The following HAVCR1 variants were observed in gnomAD, a reference collection of about 807,000 sequenced individuals.
HAVCR1 encodes the protein hepatitis A virus cellular receptor 1, also known as T cell immunoglobin domain and mucin domain protein 1.
Under a neutral mutation model 32.0 loss-of-function variants are expected in HAVCR1, and 34 were observed. The observed-to-expected ratio is 1.06, with a 90% CI of 0.81 to 1.42. The LOEUF (loss-of-function observed/expected upper bound fraction) is 1.42. Among genes scored for constraint, HAVCR1 ranks in the 40% most tolerant of loss-of-function variants. The pLI is 0.00. For synonymous variants in HAVCR1, 178 were observed against 170.3 expected, an observed-to-expected ratio of 1.05 and a Z score of -0.35; for missense variants, 420 against 442.3, an observed-to-expected ratio of 0.95 and a Z score of 0.45.
At chr5:157,054,804 T>C (rs1440284657) in intron 3 of HAVCR1, among the ~76,000 whole-genome samples, 1 of 152,198 alleles carries the variant, frequency 6.6e-6, no homozygotes, top group African/African-American at 2.4e-5. Context: ...ACCAATTGCA[T>C]AGTATTTACA....
intron 7 of HAVCR1, among the ~76,000 whole-genome samples, chr5:157,036,205 G>A (rs779099754): frequency 2.6e-5 from 4 of 152,024 alleles, no homozygotes; most frequent in East Asian, 1.9e-4. Context: ...TCGGCCGGGC[G>A]TGGTGGCTCA....
chr5:157,057,814 TC>T, intron 2 of HAVCR1, 83 bp downstream of exon 2: 1 of 946,416 alleles, frequency 1.1e-6, no homozygotes. Flanking sequence ...ACCACCACCA[TC>T]CCCTCCCCTT....
chr5:157,031,319 G>C (rs1754156675), intron 8 of HAVCR1, among the ~76,000 whole-genome samples: 1 of 152,186 alleles, frequency 6.6e-6, no homozygotes. Flanking sequence ...AGGAAAGTCT[G>C]TGTACAAGCA....
At chr5:157,063,820 T>C (rs62381166), upstream of HAVCR1, among the ~76,000 whole-genome samples, 9,590 of 152,222 alleles carry the variant, frequency 0.063, 483 homozygotes, top group Admixed American at 0.15. Context: ...AGGTGATTAT[T>C]TGAACTAAGA....
chr5:157,061,634 G>A (rs543766345), upstream of HAVCR1, among the ~76,000 whole-genome samples: 37 of 152,060 alleles, frequency 2.4e-4, no homozygotes, highest in Non-Finnish European at 4.9e-4. Flanking sequence ...CTGAACCCGG[G>A]AGGCAGAATT....
chr5:157,045,355 C>T (rs1755328763), intron 5 of HAVCR1, among the ~76,000 whole-genome samples: 1 of 152,180 alleles, frequency 6.6e-6, no homozygotes, highest in South Asian at 2.1e-4. Flanking sequence ...CACAGCCCAT[C>T]AAGTTGTTAC....
chr5:157,044,023 T>C (rs576097398), intron 5 of HAVCR1, among the ~76,000 whole-genome samples: 76 of 152,234 alleles, frequency 5.0e-4, no homozygotes, highest in African/African-American at 1.8e-3. Flanking sequence ...TTACTGCTTC[T>C]GAGGCTTCCT....
chr5:157,043,098 C>T (rs996018234), intron 5 of HAVCR1, among the ~76,000 whole-genome samples: 1 of 151,948 alleles, frequency 6.6e-6, no homozygotes, highest in Non-Finnish European at 1.5e-5. Context: ...AAAACCAGAA[C>T]CACCCTTTTC....
intron 6 of HAVCR1, among the ~76,000 whole-genome samples, chr5:157,038,350 G>A (rs1021459673): frequency 2.6e-5 from 4 of 152,116 alleles, no homozygotes; most frequent in Admixed American, 2.0e-4. Flanking sequence ...ATCCTAAAGA[G>A]AGCCCACCGG....
chr5:157,030,715 C>T (rs113219358), intron 8 of HAVCR1, among the ~76,000 whole-genome samples: 1 of 152,274 alleles, frequency 6.6e-6, no homozygotes, highest in Non-Finnish European at 1.5e-5. Context: ...TTTTAACTTA[C>T]GTGTAGCATT....
chr5:157,068,047 A>G, the HAVCR1 span, among the ~76,000 whole-genome samples: 1 of 151,650 alleles, frequency 6.6e-6, no homozygotes, highest in Non-Finnish European at 1.5e-5. Context: ...CGAGGTAGAC[A>G]GATCACTTGA....
intron 7 of HAVCR1, among the ~76,000 whole-genome samples, chr5:157,035,900 A>T (rs946154272): frequency 2.6e-5 from 4 of 152,236 alleles, no homozygotes; most frequent in African/African-American, 9.6e-5. Flanking sequence ...TGTTCTAAGT[A>T]ATCTAGGGAA....
At chr5:157,068,006 C>T in the HAVCR1 span, among the ~76,000 whole-genome samples, 1 of 151,766 alleles carries the variant, frequency 6.6e-6, no homozygotes, top group African/African-American at 2.4e-5. Context: ...AACAAAACAG[C>T]CGGATGTATA....
chr5:157,059,869 G>T (rs1756433636), upstream of HAVCR1, among the ~76,000 whole-genome samples: 2 of 151,700 alleles, frequency 1.3e-5, no homozygotes. Context: ...CCTGACCGTA[G>T]TCCCAGCTAC....
At position 157,046,992 on chromosome 5, in the gene HAVCR1, T is replaced by A. The variant is rs114792220; in HGVS notation, c.781+2046A>T. Among the ~76,000 whole-genome samples the A allele has an allele frequency of 2.1e-3, 318 of 152,296 alleles. 1 individual carries two copies. The highest frequency in any genetic ancestry group is 7.0e-3 in the African/African-American group (292 of 41,558). ...ATTTAGGGGTGTGGTGTTATGAGAT[T>A]ATACATACATATATAGATAGATAGA... On this transcript the variant is annotated intron_variant, in intron 5 of 8. Transcript: ENST00000523175.
intron 8 of HAVCR1, 122 bp from the exon 9 acceptor site, chr5:157,029,963 G>T (rs772606297): frequency 5.8e-6 from 4 of 686,100 alleles, no homozygotes; most frequent in South Asian, 5.7e-5. Flanking sequence ...CAGGAGCCCC[G>T]TTCACACAAA....
At chr5:157,057,711 A>T (rs1756298534) in intron 2 of HAVCR1, among the ~76,000 whole-genome samples, 187 bp downstream of exon 2, 1 of 152,222 alleles carries the variant, frequency 6.6e-6, no homozygotes, top group Non-Finnish European at 1.5e-5. Flanking sequence ...ACAGCAGTTA[A>T]GCAATTTCTT....
upstream of HAVCR1, among the ~76,000 whole-genome samples, chr5:157,060,139 G>A (rs1449834206): frequency 6.6e-6 from 1 of 151,918 alleles, no homozygotes; most frequent in Non-Finnish European, 1.5e-5. Flanking sequence ...AATGAAATCA[G>A]GATAAGTGAG....
At chr5:157,042,831 G>T in intron 5 of HAVCR1, 149 bp from the exon 6 acceptor site, 4 of 517,948 alleles carry the variant, frequency 7.7e-6, no homozygotes, top group South Asian at 3.1e-5. Flanking sequence ...GTCATACCAA[G>T]TTATTAATGT....
Sources: gnomAD v4.1 joint callset for allele counts (sites outside exome capture counted in the v4.1 genomes callset) on GRCh38, gnomAD v4.1.1 for gene constraint, MANE v1.5 for transcripts, NCBI Gene and HGNC (gene_info 2026-07-23, HGNC 2026-07-21) for gene names.